Variants in GRM7 observed in about 807,000 individuals in gnomAD.
GRM7 encodes metabotropic glutamate receptor 7.
In GRM7, 35 loss-of-function variants were observed where a neutral mutation model predicts 84.5. That is an observed-to-expected ratio of 0.41 (90% CI 0.32 to 0.55). GRM7 has a LOEUF of 0.55. GRM7 is among the 20% of genes least tolerant of loss of function. The probability of loss-of-function intolerance (pLI) is 0.19; values close to 1 mark genes in which losing one functional copy is unlikely to be tolerated. For synonymous variants in GRM7, 487 were observed against 455.1 expected (o/e 1.07, Z -0.89); for missense variants, 1,003 against 1,194.6 (o/e 0.84, Z 2.36).
intron 8 of GRM7, among the ~76,000 whole-genome samples, chr3:7,649,501 T>C (rs1698828486): frequency 6.6e-6 from 1 of 152,206 alleles, no homozygotes; most frequent in Admixed American, 6.5e-5. Flanking sequence ...TTGTTGATAG[T>C]GGTTATTTTT....
chr3:7,527,857 G>A (rs530126682), intron 7 of GRM7, among the ~76,000 whole-genome samples: 1 of 151,920 alleles, frequency 6.6e-6, no homozygotes, highest in Non-Finnish European at 1.5e-5. Flanking sequence ...AAGTAAACTT[G>A]CATGTCAGAA....
chr3:7,480,813 C>G (rs916888187), intron 7 of GRM7, among the ~76,000 whole-genome samples: 1 of 152,180 alleles, frequency 6.6e-6, no homozygotes, highest in Non-Finnish European at 1.5e-5. Context: ...CGCTAACATT[C>G]TGATTCTATT....
chr3:7,325,011 CAG>C (rs1258083433), intron 4 of GRM7, among the ~76,000 whole-genome samples: 1 of 152,178 alleles, frequency 6.6e-6, no homozygotes, highest in African/African-American at 2.4e-5. Context: ...TTGGGCCACA[CAG>C]AGATTTAAAC....
intron 7 of GRM7, among the ~76,000 whole-genome samples, chr3:7,538,961 C>T (rs1692713086): frequency 6.7e-6 from 1 of 149,844 alleles, no homozygotes; most frequent in South Asian, 2.2e-4. Context: ...CTGCACTGTG[C>T]ATTTATGTTT....
chr3:7,292,542 G>C (rs1440363172), intron 2 of GRM7, among the ~76,000 whole-genome samples: 1 of 151,976 alleles, frequency 6.6e-6, no homozygotes, highest in Non-Finnish European at 1.5e-5. Flanking sequence ...TGTGTTAATA[G>C]ATAAGCAGTA....
intron 1 of GRM7, among the ~76,000 whole-genome samples, chr3:7,048,831 G>A (rs983494141): frequency 1.2e-4 from 18 of 151,794 alleles, no homozygotes; most frequent in Admixed American, 4.0e-4. Context: ...TATTCTTCCT[G>A]TCTAAAATTT....
chr3:6,927,386 C>G (rs1320531840), intron 1 of GRM7, among the ~76,000 whole-genome samples: 2 of 151,356 alleles, frequency 1.3e-5, no homozygotes, highest in East Asian at 3.9e-4. Flanking sequence ...CGAGATCATG[C>G]CACTGCACTC....
intron 4 of GRM7, among the ~76,000 whole-genome samples, chr3:7,413,150 A>G (rs943169299): frequency 2.0e-5 from 3 of 152,162 alleles, no homozygotes; most frequent in Admixed American, 6.5e-5. Flanking sequence ...AGGAACTACA[A>G]TGACAGACCA....
chr3:7,047,402 T>C (rs369981760), intron 1 of GRM7, among the ~76,000 whole-genome samples: 3 of 152,042 alleles, frequency 2.0e-5, no homozygotes, highest in African/African-American at 7.2e-5. Flanking sequence ...GAAATATGTG[T>C]TTGCTTTTAA....
At chr3:7,234,525 C>A (rs923901198) in intron 2 of GRM7, among the ~76,000 whole-genome samples, 1 of 152,136 alleles carries the variant, frequency 6.6e-6, no homozygotes, top group Non-Finnish European at 1.5e-5. Context: ...CCATAAAATA[C>A]CTTCAATAAA....
At chr3:7,218,182 A>G (rs545608919) in intron 2 of GRM7, among the ~76,000 whole-genome samples, 10 of 152,236 alleles carry the variant, frequency 6.6e-5, no homozygotes, top group African/African-American at 2.4e-4. Context: ...TTGATTAAAA[A>G]CTATGCATGT....
At chr3:7,101,362 C>T (rs894749463) in intron 1 of GRM7, among the ~76,000 whole-genome samples, 18 of 151,774 alleles carry the variant, frequency 1.2e-4, no homozygotes, top group Admixed American at 7.9e-4. Context: ...TTATAACTTG[C>T]ATTTCTGTGT....
chr3:7,412,113 A>G (rs556044842), intron 4 of GRM7, among the ~76,000 whole-genome samples: 2 of 151,330 alleles, frequency 1.3e-5, no homozygotes, highest in African/African-American at 4.9e-5. Flanking sequence ...TGATTCTGTT[A>G]GTGTCATATG....
chr3:7,222,234 C>T (rs1327552553), intron 2 of GRM7, among the ~76,000 whole-genome samples: 2 of 152,004 alleles, frequency 1.3e-5, no homozygotes, highest in African/African-American at 4.8e-5. Flanking sequence ...GCTGAATTCT[C>T]AAGATGTCAC....
intron 2 of GRM7, among the ~76,000 whole-genome samples, chr3:7,238,996 C>CTTTTTT (rs567509392): frequency 8.4e-6 from 1 of 118,356 alleles, no homozygotes; most frequent in Non-Finnish European, 1.7e-5. Flanking sequence ...TTTCTTTTTT[C>CTTTTTT]CTTTTTCTTT....
At chr3:7,678,850 G>A (rs1443635719) in intron 8 of GRM7, among the ~76,000 whole-genome samples, 2 of 152,180 alleles carry the variant, frequency 1.3e-5, no homozygotes, top group Non-Finnish European at 2.9e-5. Flanking sequence ...TTTTTGTATA[G>A]CGATAGGCTG....
chr3:6,996,345 G>T (rs1221165015), intron 1 of GRM7, among the ~76,000 whole-genome samples: 1 of 152,140 alleles, frequency 6.6e-6, no homozygotes, highest in African/African-American at 2.4e-5. Context: ...ACCATGCCTG[G>T]CCTAATTCTA....
chr3:7,679,091 T>A (rs969242506), intron 8 of GRM7, among the ~76,000 whole-genome samples: 14 of 151,942 alleles, frequency 9.2e-5, no homozygotes, highest in African/African-American at 3.4e-4. Flanking sequence ...CCTTTGAGAG[T>A]GTATCAGTAA....
intron 6 of GRM7, among the ~76,000 whole-genome samples, chr3:7,458,910 CAT>C (rs911679632): frequency 6.6e-6 from 1 of 152,178 alleles, no homozygotes; most frequent in African/African-American, 2.4e-5. Context: ...TTGCTAATAA[CAT>C]GTGAAATCCA....
Sources: gnomAD v4.1 joint callset for allele counts (sites outside exome capture counted in the v4.1 genomes callset) on GRCh38, gnomAD v4.1.1 for gene constraint, MANE v1.5 for transcripts, NCBI Gene and HGNC (gene_info 2026-07-23, HGNC 2026-07-21) for gene names.